Variants in FKBP14 observed in about 807,000 individuals in gnomAD.
FKBP14 encodes FKBP prolyl isomerase 14, also known as peptidyl-prolyl cis-trans isomerase FKBP14.
Under a neutral mutation model 21.6 loss-of-function variants are expected in FKBP14, and 20 were observed. The ratio of observed to expected loss-of-function variants is 0.92; its 90% CI spans 0.65 to 1.34. FKBP14 has a LOEUF of 1.34. Ranked by LOEUF, FKBP14 falls within the 40% of genes most tolerant of loss-of-function variation. The probability of loss-of-function intolerance (pLI) is 0.00; values close to 1 mark genes in which losing one functional copy is unlikely to be tolerated. For missense variants in FKBP14, 253 were observed against 249.0 expected (o/e 1.02, Z -0.11); for synonymous variants, 79 against 86.7 (o/e 0.91, Z 0.49).
At chr7:30,021,509 C>A (rs1425888543) in intron 2 of FKBP14, among the ~76,000 whole-genome samples, 1 of 151,690 alleles carries the variant, frequency 6.6e-6, no homozygotes, top group Non-Finnish European at 1.5e-5. Context: ...TAATTATTCC[C>A]TTAGGTTTGA....
chr7:30,018,186 T>C (rs1467160387), intron 3 of FKBP14, among the ~76,000 whole-genome samples: 1 of 152,170 alleles, frequency 6.6e-6, no homozygotes, highest in Non-Finnish European at 1.5e-5. Context: ...TGGCTGTGGA[T>C]CATGAACCCC....
At position 30,013,044 on chromosome 7, in the gene FKBP14, A is replaced by G. The variant is rs79160784; in HGVS notation, c.*1691T>C. 1 of 152,172 alleles carries G rather than the reference A, an allele frequency of 6.6e-6. No homozygotes were observed. Among genetic ancestry groups the G allele is most frequent in the Non-Finnish European group, 1.5e-5 (1 of 68,036 alleles). 9.4% of individuals were successfully genotyped at this position (152,172 alleles called of 1,614,324 possible). A position where few individuals can be genotyped will look rare whatever the true frequency, so the allele number is the denominator to read the frequency against. ...ACAGTGAGATCCACCAGCTTGTTTTATGACTCAGAGCCATGAAAAGCGAAG... is the reference window on the plus strand; with the variant it reads ...ACAGTGAGATCCACCAGCTTGTTTTGTGACTCAGAGCCATGAAAAGCGAAG... On this transcript the variant is annotated 3_prime_UTR_variant, in exon 4 of 4. Transcript: ENST00000222803.
chr7:30,009,716 G>A (rs1004439056), downstream of FKBP14, among the ~76,000 whole-genome samples: 39 of 151,842 alleles, frequency 2.6e-4, no homozygotes, highest in African/African-American at 7.0e-4. Context: ...TAGGCCGGGC[G>A]TGGTCCCTCA....
At chr7:30,015,330 A>C (rs1336447982) in intron 3 of FKBP14, among the ~76,000 whole-genome samples, 1 of 152,098 alleles carries the variant, frequency 6.6e-6, no homozygotes, top group Non-Finnish European at 1.5e-5. Context: ...AGGCAGTTGA[A>C]TCGCTTGAAC....
intron 2 of FKBP14, among the ~76,000 whole-genome samples, 165 bp from the exon 3 acceptor site, chr7:30,019,288 TAGAGTA>T (rs755744607): frequency 1.3e-5 from 2 of 152,072 alleles, no homozygotes; most frequent in African/African-American, 2.4e-5. Context: ...TCGAATAGAA[TAGAGTA>T]AAAGAAGAAA....
chr7:30,006,628 C>T (rs781374977), downstream of FKBP14, among the ~76,000 whole-genome samples: 9 of 152,184 alleles, frequency 5.9e-5, no homozygotes, highest in Non-Finnish European at 1.3e-4. Flanking sequence ...TTCAGTCATA[C>T]AGTCGTACAG....
At position 30,011,004 on chromosome 7, in the gene FKBP14, G is replaced by A. The variant is rs1789708272; in HGVS notation, c.*3731C>T. On this transcript the variant is annotated 3_prime_UTR_variant, in exon 4 of 4. Coordinates refer to ENST00000222803, the MANE Select transcript of FKBP14 (RefSeq NM_017946.4). ...TTCTAAACTAGAAAATTTACAGTAA[G>A]CTAAGGTTAGTTTTTTATTATTTCT... 6.6e-6 allele frequency: 1 copy of A among 151,898 alleles called. No homozygotes were observed. Among genetic ancestry groups the A allele is most frequent in the South Asian group, 2.1e-4 (1 of 4,814 alleles). The allele number at this position is 151,898 out of a possible 1,614,324, so 9.4% of individuals were successfully genotyped here. A position where few individuals can be genotyped will look rare whatever the true frequency, so the allele number is the denominator to read the frequency against.
At chr7:30,022,126 A>T (rs1790045909) in intron 2 of FKBP14, among the ~76,000 whole-genome samples, 1 of 152,234 alleles carries the variant, frequency 6.6e-6, no homozygotes, top group African/African-American at 2.4e-5. Flanking sequence ...CTTAATATTC[A>T]TGAAGTACAA....
rs1440778877 is a variant in FKBP14, at chr7:30,011,251, G to A, written c.*3484C>T. The A allele has an allele frequency of 7.2e-5, 11 of 151,834 alleles. No individual in the cohort carries two copies. Among genetic ancestry groups the A allele is most frequent in the Admixed American group, 4.6e-4 (7 of 15,216 alleles). 9.4% of individuals were successfully genotyped at this position (151,834 alleles called of 1,614,324 possible). A position where few individuals can be genotyped will look rare whatever the true frequency, so the allele number is the denominator to read the frequency against. On this transcript the variant is annotated 3_prime_UTR_variant, in exon 4 of 4. Coordinates refer to ENST00000222803, the MANE Select transcript of FKBP14 (RefSeq NM_017946.4). ...AGATGGGGTTTAGCCATGTTGGCCCGGCTGGTCCCAAACTCATGACCTCGA... is the reference window on the plus strand; with the variant it reads ...AGATGGGGTTTAGCCATGTTGGCCCAGCTGGTCCCAAACTCATGACCTCGA...
downstream of FKBP14, among the ~76,000 whole-genome samples, chr7:30,006,508 A>C (rs1203262852): frequency 2.0e-5 from 3 of 152,062 alleles, no homozygotes; most frequent in Admixed American, 1.3e-4. Flanking sequence ...TCTGAAAAAA[A>C]TATATATAGA....
chr7:30,014,988 T>A, intron 3 of FKBP14, 95 bp from the exon 4 acceptor site: 1 of 706,494 alleles, frequency 1.4e-6, no homozygotes, highest in Non-Finnish European at 2.2e-6. Context: ...TTATATTTAG[T>A]TCATTAACTA....
In FKBP14 at chr7:30,013,529, A is replaced by T. The variant is rs1583724105; in HGVS notation, c.*1206T>A. ...CCCCCAAAGTGCTGGGATTACAGGCATGAGCCACCACACCCAGCTAACTTC... is the reference window on the plus strand; with the variant it reads ...CCCCCAAAGTGCTGGGATTACAGGCTTGAGCCACCACACCCAGCTAACTTC... On this transcript the variant is annotated 3_prime_UTR_variant, in exon 4 of 4. Transcript: ENST00000222803. The T allele has an allele frequency of 1.3e-5, 2 of 152,288 alleles. No individual in the cohort carries two copies. Among genetic ancestry groups the T allele is most frequent in the African/African-American group, 4.8e-5 (2 of 41,562 alleles). The allele number at this position is 152,288 out of a possible 1,614,324, so 9.4% of individuals were successfully genotyped here.
chr7:30,014,815 C>T lies in FKBP14; in HGVS notation c.556G>A (p.Asp186Asn), dbSNP rs766873942. 19 of 1,610,956 alleles carry T rather than the reference C, an allele frequency of 1.2e-5. No homozygotes were observed. Among genetic ancestry groups the T allele is most frequent in the Non-Finnish European group, 1.5e-5 (18 of 1,179,108 alleles). The change falls in exon 4 of 4, where the codon GAT becomes AAT. Residue 186 changes from aspartate to asparagine, a missense_variant. Asp to Asn is a conservative substitution (Grantham distance 23). Transcript: ENST00000222803. Reference protein sequence around the residue: ...NESHHDALVEDIFDKEDEDKD... With the variant: ...NESHHDALVENIFDKEDEDKD... ...TCTTCATCTTCTTTATCAAAAATAT[C>T]CTCCACCAAAGCATCATGATGACTT...
chr7:30,022,933 A>G, intron 1 of FKBP14, 117 bp from the exon 2 acceptor site: 1 of 897,326 alleles, frequency 1.1e-6, no homozygotes, highest in Non-Finnish European at 1.6e-6. Context: ...TAAATACAGC[A>G]ATTCTGTATT....
At chr7:30,006,277 ATGCC>A (rs1297052280), downstream of FKBP14, among the ~76,000 whole-genome samples, 6 of 151,910 alleles carry the variant, frequency 3.9e-5, no homozygotes, top group African/African-American at 1.5e-4. Flanking sequence ...ATACACCATG[ATGCC>A]TGACTAGTTT....
downstream of FKBP14, among the ~76,000 whole-genome samples, chr7:30,009,390 G>A (rs1236948283): frequency 1.3e-5 from 2 of 151,788 alleles, no homozygotes; most frequent in African/African-American, 4.8e-5. Context: ...GCACCACCAT[G>A]CCTGGCTAAT....
rs748942204 is a variant in FKBP14 at position 30,014,782 on chromosome 7, C to T, written c.589G>A (p.Gly197Arg). Residue 197 changes from glycine (G) to arginine (R), a missense_variant, in exon 4 of 4, where the codon GGG becomes AGG. By Grantham distance (125) the Gly-to-Arg change is moderately radical. Coordinates refer to ENST00000222803, the MANE Select transcript of FKBP14 (RefSeq NM_017946.4). ...IFDKEDEDKD[G>R]FISAREFTYK... is the part of the protein sequence containing the mutation. ...GTAAATTCTCTGGCAGATATAAACCCATCTTTGTCTTCATCTTCTTTATCA... is the reference window on the plus strand; with the variant it reads ...GTAAATTCTCTGGCAGATATAAACCTATCTTTGTCTTCATCTTCTTTATCA... 1.1e-5 allele frequency: 18 copies of T among 1,610,932 alleles called. 1 individual carries two copies. Among genetic ancestry groups the T allele is most frequent in the Middle Eastern group, 3.3e-4 (2 of 6,074 alleles).
At chr7:30,018,958 G>A in intron 3 of FKBP14, 38 bp downstream of exon 3, 7 of 1,593,618 alleles carry the variant, frequency 4.4e-6, no homozygotes, top group Non-Finnish European at 5.1e-6. Context: ...AACAACCAAA[G>A]AAAAGTAGAA....
At chr7:30,010,104 G>A (rs1325254294), downstream of FKBP14, among the ~76,000 whole-genome samples, 1 of 152,078 alleles carries the variant, frequency 6.6e-6, no homozygotes. Flanking sequence ...AGATCCAAAT[G>A]GCTAGATTCT....
Sources: gnomAD v4.1 joint callset for allele counts (sites outside exome capture counted in the v4.1 genomes callset) on GRCh38, gnomAD v4.1.1 for gene constraint, MANE v1.5 for transcripts, NCBI Gene and HGNC (gene_info 2026-07-23, HGNC 2026-07-21) for gene names.